The following SLC66A2 variants were observed in gnomAD, a reference collection of about 807,000 sequenced individuals.
SLC66A2 encodes PQ loop repeat containing 1.
A neutral mutation model predicts 25.5 loss-of-function variants in SLC66A2; 23 were observed. The observed-to-expected ratio is 0.90, with a 90% CI of 0.65 to 1.28. SLC66A2 has a LOEUF of 1.28. Ranked by LOEUF, SLC66A2 falls within the 50% of genes most tolerant of loss-of-function variation. The pLI is 0.00. For synonymous variants in SLC66A2, 193 were observed against 166.5 expected (o/e 1.16, Z -1.23); for missense variants, 396 against 373.1 (o/e 1.06, Z -0.51).
Position 79,943,417 on chromosome 18 carries a change from G to T in SLC66A2, c.249C>A (p.Ile83=). 1 of 1,614,234 alleles carries T rather than the reference G, an allele frequency of 6.2e-7. No homozygotes were observed. Among genetic ancestry groups the T allele is most frequent in the South Asian group, 1.1e-5 (1 of 91,090 alleles). The change falls in exon 3 of 6, where the codon ATC becomes ATA. Residue 83 remains isoleucine (I), a synonymous_variant. Coordinates refer to ENST00000397778, the MANE Select transcript of SLC66A2 (RefSeq NM_025078.5). Reference sequence around the variant, plus strand: ...GCATCAGCAGCATGGTCAGGATCATGATGGCGCTCTGCCACAGCAGCGGGG... The same window carrying T: ...GCATCAGCAGCATGGTCAGGATCATTATGGCGCTCTGCCACAGCAGCGGGG... ...FESPLLWQSA[I]MILTMLLMLK... is the part of the protein sequence containing the mutation.
chr18:79,940,171 G>A lies in SLC66A2; in HGVS notation c.337+3158C>T, dbSNP rs1987525973. On this transcript the variant is annotated intron_variant, in intron 3 of 5. Transcript: ENST00000397778. This position sits in a 1 kb window ranked among gnomAD's most constrained non-coding sequence, Gnocchi z 4.1. ...CGCATGTTCTCACGTGTAAGTGGGA[G>A]CTAAATGATGAGAACACATGGACAC... Among the ~76,000 whole-genome samples, 1 of 152,166 alleles carries A rather than the reference G, an allele frequency of 6.6e-6. No individual in the cohort carries two copies. Among genetic ancestry groups the A allele is most frequent in the African/African-American group, 2.4e-5 (1 of 41,428 alleles).
chr18:79,907,184 C>T (rs1444149510), intron 5 of SLC66A2, among the ~76,000 whole-genome samples: 1 of 152,168 alleles, frequency 6.6e-6, no homozygotes, highest in Non-Finnish European at 1.5e-5. Flanking sequence ...TTATTATTGA[C>T]AGGTTTGAAT....
At chr18:79,942,571 C>G (rs543263151) in intron 3 of SLC66A2, among the ~76,000 whole-genome samples, 1 of 152,314 alleles carries the variant, frequency 6.6e-6, no homozygotes, top group South Asian at 2.1e-4. Flanking sequence ...CAAGTGATAG[C>G]TGAGATCACT....
intron 3 of SLC66A2, among the ~76,000 whole-genome samples, chr18:79,942,994 A>T (rs555419244): frequency 1.9e-3 from 292 of 152,320 alleles, no homozygotes; most frequent in African/African-American, 6.9e-3. Context: ...CTGACCTGGT[A>T]CCGTCTGACC....
intron 3 of SLC66A2, among the ~76,000 whole-genome samples, chr18:79,936,102 A>G (rs1304349394): frequency 6.6e-6 from 1 of 152,244 alleles, no homozygotes. Context: ...ACTTTGGTCC[A>G]TGTCACGACT....
rs1364899427 is a variant in SLC66A2, at chr18:79,904,173, C to G, written c.619G>C (p.Val207Leu). 4 of 1,612,620 alleles carry G rather than the reference C, an allele frequency of 2.5e-6. No individual in the cohort carries two copies. The highest frequency in any genetic ancestry group is 3.3e-5 in the Admixed American group (2 of 59,946). The change falls in exon 6 of 6, where the codon GTG becomes CTG. Residue 207 changes from valine (V) to leucine (L), a missense_variant. Coordinates refer to ENST00000397778, the MANE Select transcript of SLC66A2 (RefSeq NM_025078.5). The surrounding 1 kb of genome is among the most constrained non-coding windows in gnomAD (Gnocchi z 6.3). ...GCGTCACCACTGGTCCACATGAGCACCATCTTGATGCTGTGGAGACACAAG... is the reference window on the plus strand; with the variant it reads ...GCGTCACCACTGGTCCACATGAGCAGCATCTTGATGCTGTGGAGACACAAG... ...QSTEGMSIKM[V>L]LMWTSGDAFK...
rs557771957 is a variant in SLC66A2 at position 79,906,642 on chromosome 18, G to A, written c.609-2459C>T. Among the ~76,000 whole-genome samples, 10 of 152,344 alleles carry A rather than the reference G, an allele frequency of 6.6e-5. No individual in the cohort carries two copies. The South Asian group carries it at 2.1e-3, about 32-fold the overall frequency. Reference sequence around the variant, plus strand: ...ATTCTCATGACCCAGGATATGGTCTGTTTGGTGAATGCCCAACGGGCATCT... The same window carrying A: ...ATTCTCATGACCCAGGATATGGTCTATTTGGTGAATGCCCAACGGGCATCT... On this transcript the variant is annotated intron_variant, in intron 5 of 5. Transcript: ENST00000397778.
In SLC66A2 at chr18:79,914,252, T is replaced by C. The variant is rs143912983; in HGVS notation, c.608+4932A>G. Among the ~76,000 whole-genome samples the C allele has an allele frequency of 5.3e-4, 81 of 152,332 alleles. 1 individual carries two copies. The East Asian group carries it at 0.014, about 26-fold the overall frequency. On this transcript the variant is annotated intron_variant, in intron 5 of 5. Transcript: ENST00000397778. ...CTGTTAAGTACGTGTGTGTGCACAT[T>C]TTAAATACGTCATCTTAAACACGAC... is the stretch of plus-strand genomic sequence containing the variant.
At chr18:79,928,569 C>A (rs148802116) in intron 4 of SLC66A2, among the ~76,000 whole-genome samples, 1 of 152,152 alleles carries the variant, frequency 6.6e-6, no homozygotes, top group African/African-American at 2.4e-5. Flanking sequence ...TAGGGACACA[C>A]GGCGAATGGA....
chr18:79,922,837 G>A (rs1488644690), intron 4 of SLC66A2, among the ~76,000 whole-genome samples: 3 of 140,506 alleles, frequency 2.1e-5, no homozygotes, highest in Admixed American at 1.4e-4. Context: ...GGATTGGGGG[G>A]GTTGGGGTAT....
rs1985449764 is a variant in SLC66A2, at chr18:79,923,024, CTGAG to C, written c.392-3628_392-3625del. On this transcript the variant is annotated intron_variant, in intron 4 of 5. Transcript: ENST00000397778. ...TCTTCCTGCTCCACCCTCTCTCACT[CTGAG>C]TGAGACGCTGCTCGGCATCCGAGCT... Among the ~76,000 whole-genome samples, 13 of 151,552 alleles carry C rather than the reference CTGAG, an allele frequency of 8.6e-5. 1 individual carries two copies. The South Asian group carries it at 2.5e-3, about 29-fold the overall frequency.
At chr18:79,943,284 C>T (rs199886223) in intron 3 of SLC66A2, 45 bp downstream of exon 3, 27 of 1,598,600 alleles carry the variant, frequency 1.7e-5, no homozygotes, top group African/African-American at 4.0e-5. Flanking sequence ...GAGTCACCTA[C>T]GCCCTGATTC....
Position 79,903,527 on chromosome 18 carries a change from G to A in SLC66A2, c.*449C>T, listed in dbSNP as rs981305572. 1 of 170,530 alleles carries A rather than the reference G, an allele frequency of 5.9e-6. No individual in the cohort carries two copies. Among genetic ancestry groups the A allele is most frequent in the African/African-American group, 2.4e-5 (1 of 41,736 alleles). 10.6% of individuals were successfully genotyped at this position (170,530 alleles called of 1,614,324 possible). On this transcript the variant is annotated 3_prime_UTR_variant, in exon 6 of 6. Transcript: ENST00000397778. Reference sequence around the variant, plus strand: ...GCAGAGGCCACCCCAGTCCAAGCAGGGTGTCTGGCCAGGGTGTCACGGGGT... The same window carrying A: ...GCAGAGGCCACCCCAGTCCAAGCAGAGTGTCTGGCCAGGGTGTCACGGGGT...
intron 2 of SLC66A2, chr18:79,943,665 G>C: frequency 1.8e-6 from 1 of 561,198 alleles, no homozygotes; most frequent in Non-Finnish European, 3.1e-6. Flanking sequence ...GGAGACACCT[G>C]GGTCAGGAGG....
intron 4 of SLC66A2, among the ~76,000 whole-genome samples, chr18:79,923,885 A>T (rs1985593159): frequency 6.6e-6 from 1 of 151,994 alleles, no homozygotes; most frequent in South Asian, 2.1e-4. Context: ...AAAAAATAAA[A>T]AATTAGCAGG....
intron 2 of SLC66A2, among the ~76,000 whole-genome samples, chr18:79,945,474 A>G (rs2050895189): frequency 6.6e-6 from 1 of 152,178 alleles, no homozygotes; most frequent in South Asian, 2.1e-4. Flanking sequence ...ACCTCCAGGA[A>G]TATCACCCAG....
At chr18:79,934,997 C>G (rs986952061) in intron 3 of SLC66A2, among the ~76,000 whole-genome samples, 2 of 152,152 alleles carry the variant, frequency 1.3e-5, no homozygotes, top group Admixed American at 6.5e-5. Flanking sequence ...AAAGTGCAGT[C>G]TTCTCTCCTC....
intron 5 of SLC66A2, among the ~76,000 whole-genome samples, chr18:79,905,266 A>G (rs1350687061): frequency 2.6e-5 from 4 of 152,212 alleles, no homozygotes; most frequent in Non-Finnish European, 5.9e-5. Flanking sequence ...TAAGGCCCTG[A>G]CCCACAGAGG....
Position 79,941,612 on chromosome 18 carries a change from C to G in SLC66A2, c.337+1717G>C, listed in dbSNP as rs1480813588. 1 of 152,358 alleles carries G rather than the reference C, an allele frequency of 6.6e-6. No homozygotes were observed. Among genetic ancestry groups the G allele is most frequent in the East Asian group, 1.9e-4 (1 of 5,178 alleles). The allele number at this position is 152,358 out of a possible 1,614,324, so 9.4% of individuals were successfully genotyped here. On this transcript the variant is annotated intron_variant, in intron 3 of 5. Coordinates refer to ENST00000397778, the MANE Select transcript of SLC66A2 (RefSeq NM_025078.5). The surrounding 1 kb of genome is among the most constrained non-coding windows in gnomAD (Gnocchi z 4.1). ...CACTCCCTTCTTATCCAACGGTCCT[C>G]TGAGACAAGCCTGAACCTGCACCTG...
Sources: allele counts gnomAD v4.1 joint callset (sites outside exome capture counted in the v4.1 genomes callset), GRCh38; gene constraint gnomAD v4.1.1; non-coding constraint Gnocchi (gnomAD v3.1); transcripts MANE v1.5; gene names NCBI Gene and HGNC (gene_info 2026-07-23, HGNC 2026-07-21).